Variants in EIF2A observed in about 807,000 individuals in gnomAD.
The protein encoded by EIF2A is 65 kDa eukaryotic translation initiation factor 2A.
EIF2A carries 62 observed loss-of-function variants against 75.2 expected under a neutral mutation model. That is an observed-to-expected ratio of 0.82 (90% CI 0.67 to 1.02). The LOEUF is 1.02. Among genes scored for constraint, EIF2A ranks in the 50% least tolerant of loss-of-function variants. The pLI is 0.00. For missense variants in EIF2A, 611 were observed against 677.7 expected, an observed-to-expected ratio of 0.90 and a Z score of 1.09; for synonymous variants, 207 against 239.0, an observed-to-expected ratio of 0.87 and a Z score of 1.23.
chr3:150,585,246 A>T lies in EIF2A; in HGVS notation c.*1335A>T, dbSNP rs1026957380. 6.6e-6 allele frequency: 1 copy of T among 152,432 alleles called. No individual in the cohort carries two copies. Among genetic ancestry groups the T allele is most frequent in the African/African-American group, 2.4e-5 (1 of 41,456 alleles). 9.4% of individuals were successfully genotyped at this position (152,432 alleles called of 1,614,324 possible). A position where few individuals can be genotyped will look rare whatever the true frequency, so the allele number is the denominator to read the frequency against. ...CCTTAAAATATTCTGGAGGCCAGGC[A>T]TGCTGGCTCACACCTGTAATCCCAG... is the stretch of plus-strand genomic sequence containing the variant. On this transcript the variant is annotated 3_prime_UTR_variant, in exon 14 of 14. Transcript: ENST00000460851.
chr3:150,562,722 A>C (rs1013141171), intron 4 of EIF2A, 62 bp downstream of exon 4: 4 of 1,235,396 alleles, frequency 3.2e-6, no homozygotes, highest in Non-Finnish European at 4.6e-6. Context: ...TGGGGGGGAA[A>C]AAGTTATAAA....
chr3:150,582,750 G>C (rs552523269), intron 12 of EIF2A, among the ~76,000 whole-genome samples: 1 of 151,224 alleles, frequency 6.6e-6, no homozygotes, highest in East Asian at 1.9e-4. Context: ...CCAGTGTGCT[G>C]GGGTGGCCCT....
intron 1 of EIF2A, among the ~76,000 whole-genome samples, chr3:150,548,867 C>T (rs538617892): frequency 4.6e-5 from 7 of 152,178 alleles, no homozygotes; most frequent in Non-Finnish European, 1.0e-4. Flanking sequence ...TGCAAATTGG[C>T]AGGATTAGGA....
In EIF2A at chr3:150,553,430, C is replaced by T. The variant is rs546746862; in HGVS notation, c.98+1005C>T. ...CCTGCAAAATTCTTTTTTTTTGAGA[C>T]TGAGTTTTGCCCTTGTTGCCCAGGC... On this transcript the variant is annotated intron_variant, in intron 2 of 13. Transcript: ENST00000460851. 1.5e-4 allele frequency among the ~76,000 whole-genome samples: 22 copies of T among 151,106 alleles called. No homozygotes were observed. The South Asian group carries it at 4.2e-3, about 29-fold the overall frequency.
intron 10 of EIF2A, among the ~76,000 whole-genome samples, chr3:150,573,116 A>G (rs1286317872): frequency 6.6e-6 from 1 of 152,166 alleles, no homozygotes; most frequent in Non-Finnish European, 1.5e-5. Context: ...AGTAACTCCA[A>G]CCCATCCTGC....
chr3:150,584,843 A>T lies in EIF2A; in HGVS notation c.*932A>T, dbSNP rs1294341276. 2.0e-5 allele frequency among the ~76,000 whole-genome samples: 3 copies of T among 151,692 alleles called. No homozygotes were observed. Among genetic ancestry groups the T allele is most frequent in the African/African-American group, 7.3e-5 (3 of 41,332 alleles). ...GTAGTAACAAAATCCTTTTTTAAAA[A>T]TTTTTAAAGAAAAAGTATACACACA... On this transcript the variant is annotated 3_prime_UTR_variant, in exon 14 of 14. Transcript: ENST00000460851.
At position 150,556,816 on chromosome 3, in the gene EIF2A, T is replaced by G. The variant is rs79069682; in HGVS notation, c.99-1572T>G. On this transcript the variant is annotated intron_variant, in intron 2 of 13. Coordinates refer to ENST00000460851, the MANE Select transcript of EIF2A (RefSeq NM_032025.5). ...TTCTGGATTCTGTAGTTTAGTAAGT[T>G]TATAATCATTGCGATAAGGGGGTGT... 2.1e-3 allele frequency among the ~76,000 whole-genome samples: 325 copies of G among 152,314 alleles called. 4 individuals are homozygous for G. In the East Asian group the frequency reaches 0.049, roughly 23 times the overall value.
chr3:150,552,283 TA>T (rs1459237212), intron 1 of EIF2A, 72 bp from the exon 2 acceptor site: 3 of 1,338,738 alleles, frequency 2.2e-6, no homozygotes, highest in Non-Finnish European at 3.1e-6. Context: ...GCTGCTTTTT[TA>T]AAAAACACAT....
At chr3:150,567,595 G>T in intron 6 of EIF2A, 98 bp from the exon 7 acceptor site, 1 of 819,508 alleles carries the variant, frequency 1.2e-6, no homozygotes, top group Non-Finnish European at 1.9e-6. Flanking sequence ...GAGTAGTATT[G>T]GTGTGTAGTT....
intron 11 of EIF2A, among the ~76,000 whole-genome samples, chr3:150,578,779 A>G (rs1471775724): frequency 6.6e-6 from 1 of 152,230 alleles, no homozygotes; most frequent in Non-Finnish European, 1.5e-5. Flanking sequence ...GTGTGATGGA[A>G]CAAAGCTAAA....
chr3:150,558,748 T>C (rs1723701675), intron 3 of EIF2A: 1 of 180,754 alleles, frequency 5.5e-6, no homozygotes, highest in Admixed American at 6.2e-5. Context: ...AAGTTATTGG[T>C]TGGAGTTTCC....
chr3:150,564,194 T>G, intron 5 of EIF2A, 105 bp from the exon 6 acceptor site: 1 of 842,922 alleles, frequency 1.2e-6, no homozygotes, highest in South Asian at 2.1e-5. Flanking sequence ...TATAAGTGTT[T>G]TTCCTTAAAT....
At chr3:150,560,579 G>A (rs1157896629) in intron 3 of EIF2A, among the ~76,000 whole-genome samples, 1 of 152,138 alleles carries the variant, frequency 6.6e-6, no homozygotes, top group East Asian at 1.9e-4. Context: ...AGATTTCCAT[G>A]TTAGGTGTGT....
At chr3:150,557,538 C>G (rs990856195) in intron 2 of EIF2A, 31 of 232,322 alleles carry the variant, frequency 1.3e-4, no homozygotes, top group African/African-American at 6.9e-4. Context: ...GTAGCTGGGA[C>G]TACAGGCGCC....
intron 3 of EIF2A, among the ~76,000 whole-genome samples, chr3:150,560,070 C>T (rs943417751): frequency 2.6e-5 from 4 of 151,692 alleles, no homozygotes; most frequent in Non-Finnish European, 5.9e-5. Flanking sequence ...TGAAGTATTC[C>T]TTGTTCTTCT....
chr3:150,580,680 T>G (rs1300266827), intron 11 of EIF2A, among the ~76,000 whole-genome samples: 2 of 152,204 alleles, frequency 1.3e-5, no homozygotes, highest in Non-Finnish European at 2.9e-5. Flanking sequence ...AAGGGAGCAC[T>G]TTACGGCTTC....
rs376820577 is a variant in EIF2A at position 150,572,054 on chromosome 3, A to G, written c.908A>G (p.Asn303Ser). Residue 303 changes from asparagine (N) to serine (S), a missense_variant, in exon 10 of 14, where the codon AAC (asparagine) becomes AGC (serine). By Grantham distance (46) the Asn-to-Ser change is conservative. Coordinates refer to ENST00000460851, the MANE Select transcript of EIF2A (RefSeq NM_032025.5). ...GFMPAKATIFNLKCDPVFDFG... is the reference protein window; with the variant it reads ...GFMPAKATIFSLKCDPVFDFG... ...ATGCCTGCCAAAGCGACAATTTTCA[A>G]CTTGAAATGTGATCCTGTATTTGAC... 68 of 1,613,860 alleles carry G rather than the reference A, an allele frequency of 4.2e-5. No homozygotes were observed. In the Middle Eastern group the frequency reaches 4.9e-4, roughly 12 times the overall value.
intron 11 of EIF2A, among the ~76,000 whole-genome samples, chr3:150,580,435 A>T (rs575319144): frequency 6.6e-6 from 1 of 152,290 alleles, no homozygotes; most frequent in East Asian, 1.9e-4. Context: ...CTCTCAAAAT[A>T]TCTAATGGTG....
chr3:150,562,832 A>C, intron 4 of EIF2A, 172 bp downstream of exon 4: 1 of 503,642 alleles, frequency 2.0e-6, no homozygotes, highest in Non-Finnish European at 3.5e-6. Context: ...CAAATAAACA[A>C]TGTATTGAAA....
Sources: allele counts gnomAD v4.1 joint callset (sites outside exome capture counted in the v4.1 genomes callset), GRCh38; gene constraint gnomAD v4.1.1; transcripts MANE v1.5; gene names NCBI Gene and HGNC (gene_info 2026-07-23, HGNC 2026-07-21).